The following MNDA variants were observed in gnomAD, a reference collection of about 807,000 sequenced individuals.
MNDA encodes epididymis secretory sperm binding protein.
Under a neutral mutation model 37.8 loss-of-function variants are expected in MNDA, and 43 were observed. That is an observed-to-expected ratio of 1.14 (90% CI 0.89 to 1.47). The LOEUF is 1.47. Among genes scored for constraint, MNDA ranks in the 40% most tolerant of loss-of-function variants. The pLI, the probability that MNDA is intolerant of heterozygous loss-of-function variation, is 0.00. For synonymous variants in MNDA, 181 were observed against 169.0 expected, an observed-to-expected ratio of 1.07 and a Z score of -0.55; for missense variants, 536 against 476.0, an observed-to-expected ratio of 1.13 and a Z score of -1.17.
At chr1:158,832,099 T>C (rs1367305671) in intron 1 of MNDA, among the ~76,000 whole-genome samples, 1 of 152,150 alleles carries the variant, frequency 6.6e-6, no homozygotes, top group Non-Finnish European at 1.5e-5. Context: ...TTACAACAAG[T>C]GTAAGAAGAA....
intron 6 of MNDA, 111 bp from the exon 7 acceptor site, chr1:158,849,079 A>G (rs1659198944): frequency 1.6e-5 from 12 of 757,602 alleles, no homozygotes; most frequent in Admixed American, 2.9e-5. Context: ...GGATAAGGAG[A>G]ATAATGTAGC....
At chr1:158,844,780 G>GTTCTA (rs376538442) in intron 4 of MNDA, among the ~76,000 whole-genome samples, 1 of 151,922 alleles carries the variant, frequency 6.6e-6, no homozygotes, top group Non-Finnish European at 1.5e-5. Context: ...AACATCTAAT[G>GTTCTA]ATGTTTGAGG....
chr1:158,842,491 TCATA>T lies in MNDA; in HGVS notation c.265+74_265+77del, dbSNP rs1571657481. 4.1e-6 allele frequency: 6 copies of T among 1,478,192 alleles called. No homozygotes were observed. In the East Asian group the frequency reaches 1.1e-4, roughly 28 times the overall value. The allele number at this position is 1,478,192 out of a possible 1,614,324, so 91.6% of individuals were successfully genotyped here. A position where few individuals can be genotyped will look rare whatever the true frequency, so the allele number is the denominator to read the frequency against. Reference sequence around the variant, plus strand: ...AGTCTTCAGTAGAACCCCACCTTGGTCATAGCTGGTACATCCCTTTTCCAATTTA... The same window carrying T: ...AGTCTTCAGTAGAACCCCACCTTGGTGCTGGTACATCCCTTTTCCAATTTA... On this transcript the variant is annotated intron_variant, in intron 2 of 6. Transcript: ENST00000368141.
In MNDA at chr1:158,847,907, C is replaced by T; in HGVS notation, c.1167C>T (p.Ser389=). Residue 389 remains serine, a synonymous_variant, in exon 6 of 7, where the codon AGC becomes AGT. Transcript: ENST00000368141. Reference sequence around the variant, plus strand: ...TGAAACTGGTGTGTGGAAGTCACAGCTTCATCAAGGTGGGAACTGGATAGA... The same window carrying T: ...TGAAACTGGTGTGTGGAAGTCACAGTTTCATCAAGGTGGGAACTGGATAGA... The part of the protein sequence containing the change: ...RKLKLVCGSH[S]FIKVIKAKKN... The T allele has an allele frequency of 1.2e-6, 2 of 1,613,390 alleles. No individual in the cohort carries two copies. The highest frequency in any genetic ancestry group is 1.7e-6 in the Non-Finnish European group (2 of 1,179,588).
chr1:158,848,051 A>T (rs777513768), intron 6 of MNDA, 135 bp downstream of exon 6: 4 of 764,260 alleles, frequency 5.2e-6, no homozygotes, highest in Non-Finnish European at 8.5e-6. Context: ...ATGCCCTTGC[A>T]TTTGTAACTG....
intron 1 of MNDA, among the ~76,000 whole-genome samples, chr1:158,839,577 C>G (rs1388357832): frequency 6.6e-6 from 1 of 152,176 alleles, no homozygotes; most frequent in Non-Finnish European, 1.5e-5. Context: ...TTACTAGTCC[C>G]TCAAGGAACC....
chr1:158,843,154 G>A, intron 2 of MNDA, 125 bp from the exon 3 acceptor site: 2 of 1,238,688 alleles, frequency 1.6e-6, no homozygotes, highest in Non-Finnish European at 2.2e-6. Flanking sequence ...ATGCAGTAGA[G>A]GTAACAGGCA....
intron 1 of MNDA, among the ~76,000 whole-genome samples, chr1:158,834,803 A>G (rs551253316): frequency 6.6e-6 from 1 of 152,294 alleles, no homozygotes; most frequent in Non-Finnish European, 1.5e-5. Flanking sequence ...CATTTTGTAT[A>G]TGATGTAGGT....
In MNDA at chr1:158,847,846, T is replaced by A; in HGVS notation, c.1106T>A (p.Leu369His). The change falls in exon 6 of 7, where the codon CTC (leucine) becomes CAC (histidine). Residue 369 changes from leucine (L) to histidine (H), a missense_variant. Leu to His is a moderately conservative substitution (Grantham distance 99, BLOSUM62 -3). Coordinates refer to ENST00000368141, the MANE Select transcript of MNDA (RefSeq NM_002432.3). ...IKCEKGDKLR[L>H]FCLQLRTVDR... ...TGTGAGAAAGGAGATAAACTTCGAC[T>A]CTTCTGCCTTCAACTGAGAACAGTT... The A allele has an allele frequency of 6.2e-7, 1 of 1,614,088 alleles. No homozygotes were observed. The highest frequency in any genetic ancestry group is 8.5e-7 in the Non-Finnish European group (1 of 1,179,926).
rs978386483 is a variant in MNDA, at chr1:158,849,270, C to T, written c.*33C>T. ...AAGCTGAAATGCAACAAACAACTTCCGCTTAAAACAATTAAGTTGTTAATA... is the reference window on the plus strand; with the variant it reads ...AAGCTGAAATGCAACAAACAACTTCTGCTTAAAACAATTAAGTTGTTAATA... On this transcript the variant is annotated 3_prime_UTR_variant, in exon 7 of 7. Coordinates refer to ENST00000368141, the MANE Select transcript of MNDA (RefSeq NM_002432.3). The T allele has an allele frequency of 1.1e-5, 18 of 1,580,850 alleles. No individual in the cohort carries two copies. The highest frequency in any genetic ancestry group is 1.7e-4 in the Middle Eastern group (1 of 5,884).
At position 158,845,592 on chromosome 1, in the gene MNDA, G is replaced by A. The variant is rs765412505; in HGVS notation, c.576G>A (p.Gln192=). ...TPSNTSFTPN[Q]ETQAQRQVDA... The stretch of plus-strand genomic sequence containing the variant: ...CTTGTGTCTGCCCAACACAGAATCA[G>A]GAAACCCAGGCCCAACGGCAGGTGG... The change falls in exon 5 of 7, where the codon CAG becomes CAA. Residue 192 remains glutamine, a synonymous_variant. Transcript: ENST00000368141. 1.2e-6 allele frequency: 2 copies of A among 1,609,258 alleles called. No homozygotes were observed. The highest frequency in any genetic ancestry group is 2.7e-5 in the African/African-American group (2 of 74,606).
chr1:158,833,503 T>C (rs1658846356), intron 1 of MNDA, among the ~76,000 whole-genome samples: 1 of 152,196 alleles, frequency 6.6e-6, no homozygotes, highest in Non-Finnish European at 1.5e-5. Flanking sequence ...CCTCCAGAGC[T>C]TGGCAAACAT....
At chr1:158,843,511 T>G in intron 3 of MNDA, 96 bp downstream of exon 3, 1 of 1,263,316 alleles carries the variant, frequency 7.9e-7, no homozygotes, top group East Asian at 2.8e-5. Context: ...AGCTTAGATT[T>G]ACCAAATTAG....
At chr1:158,842,029 C>T (rs1659037155) in intron 1 of MNDA, 105 bp from the exon 2 acceptor site, 3 of 943,792 alleles carry the variant, frequency 3.2e-6, no homozygotes, top group South Asian at 3.4e-5. Context: ...TATACGCATC[C>T]AAGGACAACA....
Position 158,831,473 on chromosome 1 carries a change from A to G in MNDA, c.-105A>G, listed in dbSNP as rs1658801538. 2 of 152,194 alleles carry G rather than the reference A, an allele frequency of 1.3e-5. No homozygotes were observed. The highest frequency in any genetic ancestry group is 4.8e-5 in the African/African-American group (2 of 41,454). The allele number at this position is 152,194 out of a possible 1,614,324, so 9.4% of individuals were successfully genotyped here. A position where few individuals can be genotyped will look rare whatever the true frequency, so the allele number is the denominator to read the frequency against. On this transcript the variant is annotated 5_prime_UTR_variant, in exon 1 of 7. Transcript: ENST00000368141. ...AATAGTCTGCAGTTTAATCTCTCCA[A>G]AGCTTTACGGACAGTGATTCTGTCC...
At chr1:158,843,882 A>G in intron 3 of MNDA, 73 bp from the exon 4 acceptor site, 1 of 1,334,044 alleles carries the variant, frequency 7.5e-7, no homozygotes, top group Non-Finnish European at 1.0e-6. Context: ...CTATGTTGTA[A>G]TGAAAAAATG....
At chr1:158,836,492 T>C (rs548740279) in intron 1 of MNDA, among the ~76,000 whole-genome samples, 2 of 152,086 alleles carry the variant, frequency 1.3e-5, no homozygotes, top group East Asian at 3.9e-4. Flanking sequence ...ATTTATCCAT[T>C]TCATTTAGGT....
At position 158,846,010 on chromosome 1, in the gene MNDA, C is replaced by G. The variant is rs780946671; in HGVS notation, c.987+7C>G. On this transcript the variant is annotated splice_region_variant and intron_variant, in intron 5 of 6. Transcript: ENST00000368141. ...GTTGTTTATGTTACAAAAGGTAAACCCTTAATTTTGTTTTAATTTTCTCTA... is the reference window on the plus strand; with the variant it reads ...GTTGTTTATGTTACAAAAGGTAAACGCTTAATTTTGTTTTAATTTTCTCTA... The G allele has an allele frequency of 6.4e-7, 1 of 1,570,468 alleles. No homozygotes were observed. The highest frequency in any genetic ancestry group is 2.3e-5 in the East Asian group (1 of 44,340).
intron 1 of MNDA, among the ~76,000 whole-genome samples, chr1:158,837,398 T>C (rs1252984294): frequency 2.0e-5 from 3 of 151,846 alleles, no homozygotes; most frequent in East Asian, 1.9e-4. Flanking sequence ...GTTTTGTGCA[T>C]GTATGTTTCT....
Sources: allele counts gnomAD v4.1 joint callset (sites outside exome capture counted in the v4.1 genomes callset), GRCh38; gene constraint gnomAD v4.1.1; transcripts MANE v1.5; gene names NCBI Gene and HGNC (gene_info 2026-07-23, HGNC 2026-07-21).